MGAT4C: variants seen among roughly 807,000 people sequenced by gnomAD.
MGAT4C encodes the protein alpha-1,3-mannosyl-glycoprotein 4-beta-N-acetylglucosaminyltransferase C.
In MGAT4C, 19 loss-of-function variants were observed where a neutral mutation model predicts 40.1. The ratio of observed to expected loss-of-function variants is 0.47; its 90% CI spans 0.33 to 0.70. MGAT4C has a LOEUF of 0.70. Ranked by LOEUF, MGAT4C falls within the 30% of genes least tolerant of loss-of-function variation. The pLI, the probability that MGAT4C is intolerant of heterozygous loss-of-function variation, is 0.02. For synonymous variants in MGAT4C, 181 were observed against 187.1 expected (o/e 0.97, Z 0.27); for missense variants, 491 against 563.2 (o/e 0.87, Z 1.30).
intron 4 of MGAT4C, among the ~76,000 whole-genome samples, chr12:86,318,526 A>T (rs1954300395): frequency 6.6e-6 from 1 of 152,200 alleles, no homozygotes; most frequent in Admixed American, 6.5e-5. Context: ...TCTAGACCAC[A>T]TAAATAAAGT....
intron 2 of MGAT4C, among the ~76,000 whole-genome samples, chr12:85,992,975 T>C (rs1886135037): frequency 6.6e-6 from 1 of 152,228 alleles, no homozygotes; most frequent in Admixed American, 6.5e-5. Context: ...CTCTTCCCTA[T>C]GCGGGTTCTC....
At chr12:86,322,201 C>T (rs1592695331) in intron 4 of MGAT4C, among the ~76,000 whole-genome samples, 1 of 124,910 alleles carries the variant, frequency 8.0e-6, no homozygotes, top group East Asian at 2.3e-4. Flanking sequence ...GGGTGGGGAA[C>T]ATCACACACT....
intron 2 of MGAT4C, among the ~76,000 whole-genome samples, chr12:85,997,818 G>C (rs1886800082): frequency 6.6e-6 from 1 of 152,194 alleles, no homozygotes; most frequent in Non-Finnish European, 1.5e-5. Flanking sequence ...TAAAGTGTTT[G>C]TGGCTTTTCC....
intron 1 of MGAT4C, among the ~76,000 whole-genome samples, chr12:86,115,301 T>A (rs531124371): frequency 6.6e-6 from 1 of 152,038 alleles, no homozygotes; most frequent in Admixed American, 6.6e-5. Flanking sequence ...ACAAACTGAT[T>A]CAGGAGTGGA....
At chr12:86,459,196 T>C (rs1189012955) in intron 2 of MGAT4C, among the ~76,000 whole-genome samples, 1 of 152,172 alleles carries the variant, frequency 6.6e-6, no homozygotes, top group Non-Finnish European at 1.5e-5. Flanking sequence ...TTATGCTATC[T>C]TTATTAGCAT....
intron 1 of MGAT4C, among the ~76,000 whole-genome samples, chr12:86,796,702 A>G (rs1217843091): frequency 6.6e-6 from 1 of 151,984 alleles, no homozygotes; most frequent in Admixed American, 6.6e-5. Flanking sequence ...AAAAATGGTA[A>G]CAATGTGAGG....
intron 3 of MGAT4C, among the ~76,000 whole-genome samples, chr12:86,364,405 T>A (rs1455475778): frequency 6.6e-6 from 1 of 152,192 alleles, no homozygotes; most frequent in Non-Finnish European, 1.5e-5. Context: ...TCCTAAGTTT[T>A]CTTCCAGGAT....
At chr12:86,405,248 A>C (rs1592800139) in intron 3 of MGAT4C, among the ~76,000 whole-genome samples, 1 of 152,172 alleles carries the variant, frequency 6.6e-6, no homozygotes, top group South Asian at 2.1e-4. Context: ...TACGTAAAAT[A>C]ATCCCAAGGA....
chr12:86,318,070 G>A (rs1954290667), intron 4 of MGAT4C, among the ~76,000 whole-genome samples: 1 of 151,896 alleles, frequency 6.6e-6, no homozygotes, highest in African/African-American at 2.4e-5. Context: ...TAATTTTGAT[G>A]AAAACCTCTC....
At chr12:86,566,787 G>C (rs1325662463) in intron 2 of MGAT4C, among the ~76,000 whole-genome samples, 1 of 142,914 alleles carries the variant, frequency 7.0e-6, no homozygotes, top group African/African-American at 2.6e-5. Context: ...TATTCCACTA[G>C]TTCTGGCCCT....
At chr12:86,355,289 A>C (rs539785435) in intron 3 of MGAT4C, among the ~76,000 whole-genome samples, 1 of 152,294 alleles carries the variant, frequency 6.6e-6, no homozygotes, top group East Asian at 1.9e-4. Context: ...CTAAGACAGA[A>C]ATGTTCTCCA....
chr12:86,653,087 T>A (rs1963738668), intron 2 of MGAT4C, among the ~76,000 whole-genome samples: 1 of 151,944 alleles, frequency 6.6e-6, no homozygotes, highest in South Asian at 2.1e-4. Context: ...ATATTTTGCT[T>A]GTGGAGTATG....
At chr12:86,416,459 T>C (rs753975578) in intron 3 of MGAT4C, among the ~76,000 whole-genome samples, 4 of 152,074 alleles carry the variant, frequency 2.6e-5, no homozygotes, top group Non-Finnish European at 5.9e-5. Flanking sequence ...TTAAGAAATA[T>C]TGACCAGAGG....
rs147500796 is a variant in MGAT4C at position 86,505,178 on chromosome 12, A to C, written c.-228-69913T>G. On this transcript the variant is annotated intron_variant, in intron 2 of 7. Coordinates refer to the MGAT4C transcript ENST00000548651. ...TTCTGAACCTTTCTCAGAGGACATT[A>C]ATGGCTTCATGACTACTCTCAATTG... Among the ~76,000 whole-genome samples the C allele has an allele frequency of 3.5e-3, 536 of 152,278 alleles. 3 individuals carry two copies. Among genetic ancestry groups the C allele is most frequent in the African/African-American group, 0.012 (517 of 41,556 alleles).
At chr12:86,332,982 T>C (rs1954706041) in intron 4 of MGAT4C, among the ~76,000 whole-genome samples, 2 of 152,166 alleles carry the variant, frequency 1.3e-5, no homozygotes, top group Admixed American at 1.3e-4. Context: ...AAAAAGGCTA[T>C]ATGAAACAAG....
At chr12:86,270,424 T>C (rs1029474810) in intron 4 of MGAT4C, among the ~76,000 whole-genome samples, 4 of 152,136 alleles carry the variant, frequency 2.6e-5, no homozygotes, top group Admixed American at 1.3e-4. Context: ...CCCCATACCT[T>C]TCTCCTTCCA....
Position 86,797,900 on chromosome 12 carries a change from T to C in MGAT4C, c.-262+40766A>G, listed in dbSNP as rs142956956. Among the ~76,000 whole-genome samples the C allele has an allele frequency of 1.5e-3, 232 of 152,182 alleles. 2 individuals are homozygous for C. The highest frequency in any genetic ancestry group is 5.4e-3 in the African/African-American group (226 of 41,566). On this transcript the variant is annotated intron_variant, in intron 1 of 7. Coordinates refer to the MGAT4C transcript ENST00000548651. ...AATCTTACAATTCATTGATTGATTGTTAAATTCATATACATTTCTGTTTAT... is the reference window on the plus strand; with the variant it reads ...AATCTTACAATTCATTGATTGATTGCTAAATTCATATACATTTCTGTTTAT...
At chr12:86,477,292 TAAGATAATTA>T (rs1957852646) in intron 2 of MGAT4C, among the ~76,000 whole-genome samples, 1 of 151,914 alleles carries the variant, frequency 6.6e-6, no homozygotes, top group South Asian at 2.1e-4. Context: ...GCCATTATCA[TAAGATAATTA>T]AAGCACAAAT....
chr12:86,761,673 A>G (rs1951408653), intron 1 of MGAT4C, among the ~76,000 whole-genome samples: 1 of 152,046 alleles, frequency 6.6e-6, no homozygotes. Context: ...AATTTTCTTG[A>G]CTTTTTAGTG....
Sources: allele counts gnomAD v4.1 joint callset (sites outside exome capture counted in the v4.1 genomes callset), GRCh38; gene constraint gnomAD v4.1.1; transcripts MANE v1.5; gene names NCBI Gene and HGNC (gene_info 2026-07-23, HGNC 2026-07-21).